The following LRP1B variants were observed in gnomAD, a reference collection of about 807,000 sequenced individuals.
The protein encoded by LRP1B is low-density lipoprotein receptor-related protein 1B.
LRP1B carries 217 observed loss-of-function variants against 556.6 expected under a neutral mutation model. The observed-to-expected ratio is 0.39, with a 90% CI of 0.35 to 0.44. The LOEUF (loss-of-function observed/expected upper bound fraction) is 0.44, where lower values mean the gene tolerates loss of function less well. Among genes scored for constraint, LRP1B ranks in the 20% least tolerant of loss-of-function variants. LRP1B has a pLI of 1.00. For missense variants in LRP1B, 5,053 were observed against 5,620.8 expected, an observed-to-expected ratio of 0.90 and a Z score of 3.23; for synonymous variants, 2,047 against 1,865.8, an observed-to-expected ratio of 1.10 and a Z score of -2.50.
At chr2:140,405,939 C>T (rs1398030447) in intron 66 of LRP1B, among the ~76,000 whole-genome samples, 2 of 151,872 alleles carry the variant, frequency 1.3e-5, no homozygotes, top group Non-Finnish European at 2.9e-5. Context: ...GCAAAAATCC[C>T]CAACAAAATA....
At chr2:142,044,062 AT>A (rs1034384231) in intron 1 of LRP1B, among the ~76,000 whole-genome samples, 2 of 151,756 alleles carry the variant, frequency 1.3e-5, no homozygotes, top group African/African-American at 4.8e-5. Context: ...TATTTTATTT[AT>A]GTCTATCACA....
intron 1 of LRP1B, among the ~76,000 whole-genome samples, chr2:141,982,255 G>T (rs1194833122): frequency 3.3e-5 from 5 of 152,100 alleles, no homozygotes; most frequent in African/African-American, 1.2e-4. Flanking sequence ...CTAAACCCAT[G>T]GTCCAAATTC....
At chr2:140,278,047 A>ACT (rs1271965315) in intron 84 of LRP1B, among the ~76,000 whole-genome samples, 2 of 151,750 alleles carry the variant, frequency 1.3e-5, no homozygotes, top group African/African-American at 4.8e-5. Context: ...ACACACACAC[A>ACT]CACACACACA....
chr2:140,655,865 C>T (rs1480343076), intron 41 of LRP1B, among the ~76,000 whole-genome samples: 3 of 151,692 alleles, frequency 2.0e-5, no homozygotes, highest in Non-Finnish European at 4.4e-5. Flanking sequence ...GTGGCCTGTA[C>T]CCGGGAGGCG....
intron 3 of LRP1B, among the ~76,000 whole-genome samples, chr2:141,340,584 G>T (rs184253414): frequency 6.6e-6 from 1 of 152,232 alleles, no homozygotes; most frequent in Non-Finnish European, 1.5e-5. Flanking sequence ...TGTTCTAAAA[G>T]GTTTCATGTA....
At chr2:141,024,131 A>T (rs1432318866) in intron 11 of LRP1B, among the ~76,000 whole-genome samples, 1 of 152,012 alleles carries the variant, frequency 6.6e-6, no homozygotes, top group Non-Finnish European at 1.5e-5. Context: ...ATCTGACATG[A>T]GGGAATGACA....
chr2:140,516,315 A>G (rs1250798527), intron 50 of LRP1B, among the ~76,000 whole-genome samples: 1 of 152,096 alleles, frequency 6.6e-6, no homozygotes, highest in African/African-American at 2.4e-5. Flanking sequence ...TAAAAACAAT[A>G]CAATAAAACA....
chr2:141,713,881 G>A (rs189865714), intron 2 of LRP1B, among the ~76,000 whole-genome samples: 106 of 152,086 alleles, frequency 7.0e-4, no homozygotes, highest in African/African-American at 2.1e-3. Context: ...ATCACACACC[G>A]CGTCTTTTTC....
chr2:141,295,952 C>T (rs550991269), intron 3 of LRP1B, among the ~76,000 whole-genome samples: 6 of 152,116 alleles, frequency 3.9e-5, no homozygotes, highest in Non-Finnish European at 8.8e-5. Context: ...TTAATTTCCG[C>T]TTAGGCAAAA....
At chr2:140,667,728 T>C (rs1685329203) in intron 41 of LRP1B, among the ~76,000 whole-genome samples, 2 of 152,218 alleles carry the variant, frequency 1.3e-5, no homozygotes, top group Admixed American at 1.3e-4. Flanking sequence ...TTTGTCTGAG[T>C]CTCAGAGTTG....
chr2:140,613,412 C>CATATAAATATAT (rs1683149527), intron 41 of LRP1B, among the ~76,000 whole-genome samples: 2 of 141,886 alleles, frequency 1.4e-5, no homozygotes, highest in African/African-American at 2.6e-5. Flanking sequence ...TAATTATATA[C>CATATAAATATAT]ATATAAATAT....
chr2:140,565,572 T>A (rs1396648073), intron 43 of LRP1B, among the ~76,000 whole-genome samples: 32 of 152,166 alleles, frequency 2.1e-4, no homozygotes, highest in Admixed American at 2.0e-3. Context: ...CTGCACAGTT[T>A]AAAATAAGTG....
intron 75 of LRP1B, among the ~76,000 whole-genome samples, chr2:140,353,579 A>C (rs927931613): frequency 6.6e-6 from 1 of 152,116 alleles, no homozygotes; most frequent in African/African-American, 2.4e-5. Flanking sequence ...CCACTTTTCC[A>C]TACAGAATTT....
rs146868237 is a variant in LRP1B at position 142,015,221 on chromosome 2, C to T, written c.82+115427G>A. Among the ~76,000 whole-genome samples, 97 of 152,206 alleles carry T rather than the reference C, an allele frequency of 6.4e-4. 1 individual carries two copies. The East Asian group carries it at 0.012, about 19-fold the overall frequency. ...AAGTATGTCCCATTGTAACACCACACATCTACAAGCAGCTGACCTTTGACA... is the reference window on the plus strand; with the variant it reads ...AAGTATGTCCCATTGTAACACCACATATCTACAAGCAGCTGACCTTTGACA... On this transcript the variant is annotated intron_variant, in intron 1 of 90. Coordinates refer to ENST00000389484, the MANE Select transcript of LRP1B (RefSeq NM_018557.3).
chr2:140,950,407 A>G lies in LRP1B; in HGVS notation c.2969-5T>C, dbSNP rs747310858. 9 of 1,589,802 alleles carry G rather than the reference A, an allele frequency of 5.7e-6. No homozygotes were observed. Among genetic ancestry groups the G allele is most frequent in the Non-Finnish European group, 7.7e-6 (9 of 1,171,186 alleles). ...TCCCGTCCCCACAGTCGTCATCTGGAAAGAAACATCAACATGAGGCAGTGA... is the reference window on the plus strand; with the variant it reads ...TCCCGTCCCCACAGTCGTCATCTGGGAAGAAACATCAACATGAGGCAGTGA... On this transcript the variant is annotated splice_polypyrimidine_tract_variant and splice_region_variant and intron_variant, in intron 19 of 90. Coordinates refer to ENST00000389484, the MANE Select transcript of LRP1B (RefSeq NM_018557.3).
At chr2:140,655,032 G>GTGTATATATATATATATATA (rs767709816) in intron 41 of LRP1B, among the ~76,000 whole-genome samples, 9 of 147,094 alleles carry the variant, frequency 6.1e-5, no homozygotes, top group African/African-American at 2.3e-4. Context: ...GTATATGTAT[G>GTGTATATATATATATATATA]TATATATATA....
intron 3 of LRP1B, among the ~76,000 whole-genome samples, chr2:141,347,373 C>T (rs193035609): frequency 2.6e-5 from 4 of 151,988 alleles, no homozygotes; most frequent in East Asian, 1.9e-4. Flanking sequence ...AAAAACAGAG[C>T]GGGTACTTCA....
chr2:141,016,543 C>A (rs1411007312), intron 12 of LRP1B, among the ~76,000 whole-genome samples: 1 of 152,000 alleles, frequency 6.6e-6, no homozygotes, highest in Non-Finnish European at 1.5e-5. Flanking sequence ...GATTTAGCTG[C>A]ACGTAAGTTT....
At chr2:140,315,566 C>G (rs1349744052) in intron 82 of LRP1B, among the ~76,000 whole-genome samples, 2 of 152,084 alleles carry the variant, frequency 1.3e-5, no homozygotes, top group Non-Finnish European at 2.9e-5. Flanking sequence ...TGTGCACCAC[C>G]ACACGTGGCC....
Sources: gnomAD v4.1 joint callset for allele counts (sites outside exome capture counted in the v4.1 genomes callset) on GRCh38, gnomAD v4.1.1 for gene constraint, MANE v1.5 for transcripts, NCBI Gene and HGNC (gene_info 2026-07-23, HGNC 2026-07-21) for gene names.